Variants in SLC25A48 observed in about 807,000 individuals in gnomAD.
The protein encoded by SLC25A48 is CTC-321K16.1.
A neutral mutation model predicts 32.2 loss-of-function variants in SLC25A48; 29 were observed. The ratio of observed to expected loss-of-function variants is 0.90; its 90% CI spans 0.67 to 1.23. The LOEUF (loss-of-function observed/expected upper bound fraction) is 1.23. Among genes scored for constraint, SLC25A48 ranks in the 50% most tolerant of loss-of-function variants. The pLI is 0.00. For synonymous variants in SLC25A48, 164 were observed against 172.3 expected (o/e 0.95, Z 0.38); for missense variants, 399 against 422.7 (o/e 0.94, Z 0.49).
At chr5:135,668,946 T>C (rs898168205) in intron 3 of SLC25A48, among the ~76,000 whole-genome samples, 5 of 152,150 alleles carry the variant, frequency 3.3e-5, no homozygotes, top group Non-Finnish European at 7.4e-5. Context: ...AAAGATGTCA[T>C]AGCTCAGTGA....
intron 3 of SLC25A48, among the ~76,000 whole-genome samples, chr5:135,808,504 A>G (rs370187327): frequency 2.6e-5 from 4 of 151,958 alleles, no homozygotes; most frequent in South Asian, 4.1e-4. Flanking sequence ...ATAACCATTT[A>G]GTGCTTAAAA....
At chr5:135,757,762 T>C (rs1479447043) in intron 3 of SLC25A48, among the ~76,000 whole-genome samples, 1 of 149,702 alleles carries the variant, frequency 6.7e-6, no homozygotes, top group Non-Finnish European at 1.5e-5. Flanking sequence ...AAGTATCATC[T>C]AGATTATATT....
rs1196427035 is a variant in SLC25A48, at chr5:135,677,894, A to G, written c.-521+42938A>G. Among the ~76,000 whole-genome samples, 7 of 152,120 alleles carry G rather than the reference A, an allele frequency of 4.6e-5. No individual in the cohort carries two copies. In the East Asian group the frequency reaches 1.3e-3, roughly 29 times the overall value. ...TCCTGAGAAGTCTGCTGTTAGTTTG[A>G]TGAAAGCTCCTTTATTAGTGACTAG... On this transcript the variant is annotated intron_variant, in intron 3 of 10. Transcript: ENST00000646290.
At chr5:135,707,338 C>T (rs1342125984) in intron 3 of SLC25A48, among the ~76,000 whole-genome samples, 2 of 152,170 alleles carry the variant, frequency 1.3e-5, no homozygotes, top group Non-Finnish European at 2.9e-5. Context: ...TCACTGAAAA[C>T]CAGAGTATCT....
At chr5:135,621,218 T>G (rs1752318389) in intron 1 of SLC25A48, among the ~76,000 whole-genome samples, 2 of 152,234 alleles carry the variant, frequency 1.3e-5, no homozygotes, top group African/African-American at 2.4e-5. Context: ...TAAATATCTC[T>G]GGGCCTCAAC....
At chr5:135,801,956 T>C (rs1018444086) in intron 3 of SLC25A48, among the ~76,000 whole-genome samples, 3 of 151,728 alleles carry the variant, frequency 2.0e-5, no homozygotes, top group Non-Finnish European at 4.4e-5. Flanking sequence ...CTCCCAATAT[T>C]GCAGTGGGTG....
chr5:135,801,852 G>A (rs953634626), intron 3 of SLC25A48, among the ~76,000 whole-genome samples: 1 of 151,534 alleles, frequency 6.6e-6, no homozygotes, highest in Admixed American at 6.6e-5. Context: ...CGTATTATCC[G>A]GGGGGCGGGG....
chr5:135,787,067 A>G (rs1347721106), intron 3 of SLC25A48, among the ~76,000 whole-genome samples: 1 of 151,912 alleles, frequency 6.6e-6, no homozygotes, highest in African/African-American at 2.4e-5. Flanking sequence ...ATGTGTGTTC[A>G]CCCTGTGGTA....
At chr5:135,595,080 G>A (rs1580708936) in intron 1 of SLC25A48, among the ~76,000 whole-genome samples, 1 of 152,224 alleles carries the variant, frequency 6.6e-6, no homozygotes, top group East Asian at 1.9e-4. Flanking sequence ...ACTGTCTCAG[G>A]CCTCATTTCC....
intron 4 of SLC25A48, among the ~76,000 whole-genome samples, chr5:135,818,457 C>T (rs80308741): frequency 0.026 from 4,032 of 152,242 alleles, 169 homozygotes; most frequent in African/African-American, 0.091. Context: ...ATCTTTTTAT[C>T]CTAATTGCTA....
chr5:135,611,523 A>AAAGAAAAAG (rs1752067291), intron 1 of SLC25A48, among the ~76,000 whole-genome samples: 1 of 139,470 alleles, frequency 7.2e-6, no homozygotes, highest in Admixed American at 7.0e-5. Context: ...AAAAAAAAAA[A>AAAGAAAAAG]AAAAGAAAAA....
intron 3 of SLC25A48, among the ~76,000 whole-genome samples, chr5:135,715,639 G>T: frequency 6.6e-6 from 1 of 152,234 alleles, no homozygotes; most frequent in South Asian, 2.1e-4. Flanking sequence ...GGATGTTTGG[G>T]CACTAGAGTG....
intron 3 of SLC25A48, among the ~76,000 whole-genome samples, chr5:135,779,402 G>A (rs1756662976): frequency 6.6e-6 from 1 of 151,610 alleles, no homozygotes; most frequent in Non-Finnish European, 1.5e-5. Context: ...CTAATATTCA[G>A]GGGGGTCAGG....
At chr5:135,711,900 A>T in intron 3 of SLC25A48, among the ~76,000 whole-genome samples, 1 of 150,664 alleles carries the variant, frequency 6.6e-6, no homozygotes, top group African/African-American at 2.4e-5. Flanking sequence ...GGACTTCTGT[A>T]CCCACCCCTT....
At chr5:135,778,835 A>ACCCCCCCC (rs1440052779) in intron 3 of SLC25A48, among the ~76,000 whole-genome samples, 6 of 114,644 alleles carry the variant, frequency 5.2e-5, no homozygotes, top group Non-Finnish European at 7.3e-5. Context: ...AGTGGTGTAC[A>ACCCCCCCC]CACACCCCCC....
intron 3 of SLC25A48, among the ~76,000 whole-genome samples, chr5:135,717,820 A>G (rs773197623): frequency 6.6e-6 from 1 of 152,190 alleles, no homozygotes; most frequent in Non-Finnish European, 1.5e-5. Context: ...GAGAGAATAC[A>G]GTTCTGTTCT....
At chr5:135,631,360 C>T (rs777483213) in intron 2 of SLC25A48, among the ~76,000 whole-genome samples, 2 of 152,192 alleles carry the variant, frequency 1.3e-5, no homozygotes, top group Non-Finnish European at 2.9e-5. Context: ...TCAGAGTGCG[C>T]AGGTTATGCT....
chr5:135,684,905 T>C (rs1209727019), intron 3 of SLC25A48, among the ~76,000 whole-genome samples: 33 of 152,176 alleles, frequency 2.2e-4, no homozygotes, highest in Non-Finnish European at 1.5e-5. Context: ...AGTGTAGATT[T>C]ATCTCTTCAT....
At chr5:135,881,765 A>AC (rs1762485284) in intron 7 of SLC25A48, among the ~76,000 whole-genome samples, 1 of 152,156 alleles carries the variant, frequency 6.6e-6, no homozygotes, top group Admixed American at 6.5e-5. Context: ...AAATAATAAG[A>AC]CCTGTCATCA....
Sources: allele counts gnomAD v4.1 joint callset (sites outside exome capture counted in the v4.1 genomes callset), GRCh38; gene constraint gnomAD v4.1.1; transcripts MANE v1.5; gene names NCBI Gene and HGNC (gene_info 2026-07-23, HGNC 2026-07-21).